The following THSD7B variants were observed in gnomAD, a reference collection of about 807,000 sequenced individuals.
THSD7B encodes thrombospondin type 1 domain containing 7B.
THSD7B carries 138 observed loss-of-function variants against 213.6 expected under a neutral mutation model. The ratio of observed to expected loss-of-function variants is 0.65; its 90% CI spans 0.56 to 0.74. The LOEUF is 0.74. Among genes scored for constraint, THSD7B ranks in the 30% least tolerant of loss-of-function variants. THSD7B has a pLI of 0.00. For synonymous variants in THSD7B, 742 were observed against 687.0 expected (o/e 1.08, Z -1.25); for missense variants, 1,931 against 1,991.5 (o/e 0.97, Z 0.58).
At chr2:137,357,419 G>T (rs1047225544) in intron 12 of THSD7B, among the ~76,000 whole-genome samples, 3 of 145,220 alleles carry the variant, frequency 2.1e-5, no homozygotes, top group Admixed American at 1.3e-4. Flanking sequence ...GAGTTTTTTT[G>T]TTTGTTTGTT....
intron 2 of THSD7B, among the ~76,000 whole-genome samples, chr2:136,988,532 G>A (rs1264089845): frequency 6.6e-6 from 1 of 152,218 alleles, no homozygotes; most frequent in Non-Finnish European, 1.5e-5. Context: ...CTCCACTGGT[G>A]TGTGAGTAAA....
chr2:137,235,418 G>A (rs1051100372), intron 9 of THSD7B, among the ~76,000 whole-genome samples: 8 of 152,190 alleles, frequency 5.3e-5, no homozygotes, highest in African/African-American at 1.4e-4. Flanking sequence ...AAATCCACTG[G>A]ACCTGAATGT....
chr2:137,194,818 C>A (rs1324460590), intron 7 of THSD7B, among the ~76,000 whole-genome samples: 1 of 152,062 alleles, frequency 6.6e-6, no homozygotes, highest in African/African-American at 2.4e-5. Flanking sequence ...TTAATTTTAT[C>A]ATTGACTCTC....
Position 137,676,668 on chromosome 2 carries a change from C to CA in THSD7B, c.*64dup, listed in dbSNP as rs2104836203. 2.9e-6 allele frequency: 4 copies of CA among 1,402,946 alleles called. No individual in the cohort carries two copies. The South Asian group carries it at 5.7e-5, about 20-fold the overall frequency. The allele number at this position is 1,402,946 out of a possible 1,614,324, so 86.9% of individuals were successfully genotyped here. A position where few individuals can be genotyped will look rare whatever the true frequency, so the allele number is the denominator to read the frequency against. Reference sequence around the variant, plus strand: ...TAACCGCTTTCTCTTTTGTAGCTCTCAGACTTCTCAGTTTTTTGAGGAATC... The same window carrying CA: ...TAACCGCTTTCTCTTTTGTAGCTCTCAAGACTTCTCAGTTTTTTGAGGAATC... On this transcript the variant is annotated 3_prime_UTR_variant, in exon 28 of 28. Transcript: ENST00000409968.
At chr2:136,935,132 A>G (rs957340511) in intron 2 of THSD7B, among the ~76,000 whole-genome samples, 1 of 152,168 alleles carries the variant, frequency 6.6e-6, no homozygotes, top group African/African-American at 2.4e-5. Context: ...GCATTCAAAC[A>G]CTTCTAAGAA....
intron 10 of THSD7B, among the ~76,000 whole-genome samples, chr2:137,264,722 G>A (rs1336550985): frequency 2.0e-5 from 3 of 151,810 alleles, no homozygotes; most frequent in South Asian, 2.1e-4. Context: ...TTTGAGGTAA[G>A]CCCTATACTC....
At chr2:137,645,865 T>C (rs1366159431) in intron 21 of THSD7B, among the ~76,000 whole-genome samples, 1 of 152,152 alleles carries the variant, frequency 6.6e-6, no homozygotes, top group Non-Finnish European at 1.5e-5. Context: ...TATGGAATAA[T>C]AAGTTATAAG....
chr2:137,312,594 A>C (rs1188433252), intron 12 of THSD7B, among the ~76,000 whole-genome samples: 3 of 150,976 alleles, frequency 2.0e-5, no homozygotes, highest in East Asian at 3.9e-4. Context: ...TTTAATTGTG[A>C]TGTCAGGGTG....
chr2:137,042,608 T>C (rs1177721260), intron 2 of THSD7B, among the ~76,000 whole-genome samples: 1 of 152,192 alleles, frequency 6.6e-6, no homozygotes, highest in Non-Finnish European at 1.5e-5. Flanking sequence ...ACTCAGAGGG[T>C]ACAGTGGTTC....
intron 6 of THSD7B, among the ~76,000 whole-genome samples, chr2:137,166,995 ACTATC>A (rs1442726234): frequency 1.3e-5 from 2 of 152,086 alleles, no homozygotes; most frequent in Non-Finnish European, 2.9e-5. Context: ...ACTATAAGAT[ACTATC>A]CCTGCAGGAT....
rs373936749 is a variant in THSD7B at position 136,905,048 on chromosome 2, C to A, written c.139+22731C>A. ...CTTCACACTTACTGTGTAATGCGAT[C>A]CTCATGGGAACCTTATGAACTATGT... On this transcript the variant is annotated intron_variant, in intron 2 of 27. Transcript: ENST00000409968. Among the ~76,000 whole-genome samples the A allele has an allele frequency of 1.2e-4, 18 of 152,312 alleles. No individual in the cohort carries two copies. In the South Asian group the frequency reaches 3.7e-3, roughly 32 times the overall value.
At chr2:136,896,788 G>GT (rs1381941741) in intron 2 of THSD7B, among the ~76,000 whole-genome samples, 2 of 152,014 alleles carry the variant, frequency 1.3e-5, no homozygotes, top group Non-Finnish European at 2.9e-5. Context: ...ATAATTTGTT[G>GT]TAAAAACTAT....
chr2:137,039,549 T>C (rs1686840835), intron 2 of THSD7B, among the ~76,000 whole-genome samples: 2 of 152,124 alleles, frequency 1.3e-5, no homozygotes. Flanking sequence ...CTTGAGGAAG[T>C]TTTGTACAGC....
intron 14 of THSD7B, among the ~76,000 whole-genome samples, chr2:137,433,222 T>A (rs1687221705): frequency 6.6e-6 from 1 of 152,144 alleles, no homozygotes; most frequent in African/African-American, 2.4e-5. Flanking sequence ...AAGACCACTC[T>A]AGGGAAGAAA....
At chr2:137,452,149 A>T (rs556565379) in intron 15 of THSD7B, 66 of 426,476 alleles carry the variant, frequency 1.5e-4, no homozygotes, top group African/African-American at 1.4e-3. Flanking sequence ...ATTCAACAAG[A>T]TATATTTAAG....
chr2:137,143,145 G>A (rs549906898), intron 5 of THSD7B, among the ~76,000 whole-genome samples: 1 of 152,060 alleles, frequency 6.6e-6, no homozygotes, highest in Non-Finnish European at 1.5e-5. Flanking sequence ...ATTATGCCCT[G>A]GCTATGCCTG....
intron 5 of THSD7B, among the ~76,000 whole-genome samples, chr2:137,148,502 C>A (rs1000967565): frequency 6.6e-6 from 1 of 152,092 alleles, no homozygotes; most frequent in African/African-American, 2.4e-5. Context: ...AAGTTTGGAA[C>A]TTCCTAGAGG....
chr2:137,196,318 A>G (rs1680758755), intron 7 of THSD7B, among the ~76,000 whole-genome samples: 1 of 151,276 alleles, frequency 6.6e-6, no homozygotes, highest in African/African-American at 2.4e-5. Flanking sequence ...CAAAAATAAG[A>G]TACACAATAA....
chr2:137,622,074 C>A (rs911309499), intron 20 of THSD7B, among the ~76,000 whole-genome samples: 1 of 152,144 alleles, frequency 6.6e-6, no homozygotes, highest in Non-Finnish European at 1.5e-5. Context: ...CATGGGGGAT[C>A]AGCACTTATG....
Sources: allele counts gnomAD v4.1 joint callset (sites outside exome capture counted in the v4.1 genomes callset), GRCh38; gene constraint gnomAD v4.1.1; transcripts MANE v1.5; gene names NCBI Gene and HGNC (gene_info 2026-07-23, HGNC 2026-07-21).